Variants in EDA observed in about 807,000 individuals in gnomAD.
The protein encoded by EDA is ectodysplasin-A.
Under a neutral mutation model 23.6 loss-of-function variants are expected in EDA, and 2 were observed. The observed-to-expected ratio is 0.08, with a 90% CI of 0.03 to 0.27. The LOEUF is 0.27. Ranked by LOEUF, EDA falls within the 10% of genes least tolerant of loss-of-function variation. The pLI, the probability that EDA is intolerant of heterozygous loss-of-function variation, is 1.00. For missense variants in EDA, 229 were observed against 324.2 expected (o/e 0.71, Z 2.26); for synonymous variants, 131 against 132.0 (o/e 0.99, Z 0.05).
intron 1 of EDA, among the ~76,000 whole-genome samples, chrX:69,837,356 A>G (rs754674201): frequency 1.3e-4 from 15 of 111,802 alleles, no homozygotes; most frequent in African/African-American, 4.5e-4. Context: ...TCTGGCTTTT[A>G]TTTTGGATTC....
At chrX:69,835,077 A>C (rs1175874853) in intron 1 of EDA, among the ~76,000 whole-genome samples, 1 of 112,694 alleles carries the variant, frequency 8.9e-6, no homozygotes, top group African/African-American at 3.2e-5. Flanking sequence ...TTCTGCCGAG[A>C]GATCAGCTGT....
At chrX:69,891,225 C>G (rs2017925078) in intron 1 of EDA, among the ~76,000 whole-genome samples, 1 of 111,425 alleles carries the variant, frequency 9.0e-6, no homozygotes, top group Non-Finnish European at 1.9e-5. Context: ...ATTAAAACGT[C>G]AAAAATAACA....
At chrX:69,882,010 T>C (rs937272266) in intron 1 of EDA, among the ~76,000 whole-genome samples, 1 of 111,768 alleles carries the variant, frequency 8.9e-6, no homozygotes, top group Non-Finnish European at 1.9e-5. Flanking sequence ...ACCTCCAACA[T>C]TGGGGATCAC....
At chrX:69,863,728 C>A (rs2017438576) in intron 1 of EDA, among the ~76,000 whole-genome samples, 1 of 106,647 alleles carries the variant, frequency 9.4e-6, no homozygotes, top group African/African-American at 3.4e-5. Flanking sequence ...TATATACATA[C>A]ATATGTGTAT....
chrX:69,800,264 G>T (rs1009548100), intron 1 of EDA, among the ~76,000 whole-genome samples: 2 of 111,305 alleles, frequency 1.8e-5, no homozygotes, highest in Non-Finnish European at 3.8e-5. Flanking sequence ...ATGAGAGATT[G>T]GTTAATGAGA....
At chrX:69,902,218 A>T (rs745882740) in intron 1 of EDA, among the ~76,000 whole-genome samples, 2 of 111,664 alleles carry the variant, frequency 1.8e-5, no homozygotes, top group Non-Finnish European at 3.8e-5. Context: ...TCCCCATTTC[A>T]TGAGTGACAT....
At chrX:69,641,494 T>C (rs1158890093) in intron 1 of EDA, among the ~76,000 whole-genome samples, 1 of 111,700 alleles carries the variant, frequency 9.0e-6, no homozygotes, top group Non-Finnish European at 1.9e-5. Context: ...GGAAAATGGC[T>C]TTAAAGGTTT....
chrX:69,712,255 C>T (rs928306710), intron 1 of EDA, among the ~76,000 whole-genome samples: 3 of 111,087 alleles, frequency 2.7e-5, no homozygotes, highest in Admixed American at 9.6e-5. Flanking sequence ...ATTATGTATC[C>T]AGTAGTCATT....
chrX:69,977,054 G>A, intron 2 of EDA, among the ~76,000 whole-genome samples: 1 of 111,519 alleles, frequency 9.0e-6, no homozygotes, highest in South Asian at 3.8e-4. Context: ...AACATCATAT[G>A]CTTAGGAAAC....
chrX:69,861,024 T>C (rs2017373628), intron 1 of EDA: 12 of 494,102 alleles, frequency 2.4e-5, no homozygotes, highest in Non-Finnish European at 3.3e-5. Flanking sequence ...TTATATCCAC[T>C]GAAACCACTA....
chrX:69,805,114 G>A (rs2015784216), intron 1 of EDA, among the ~76,000 whole-genome samples: 1 of 111,405 alleles, frequency 9.0e-6, no homozygotes, highest in African/African-American at 3.3e-5. Flanking sequence ...GCTTAGAGGT[G>A]AGGCTGAGAT....
chrX:69,740,416 T>C (rs2013417904), intron 1 of EDA, among the ~76,000 whole-genome samples: 1 of 111,561 alleles, frequency 9.0e-6, no homozygotes, highest in Admixed American at 9.5e-5. Flanking sequence ...AAAATATTCT[T>C]GGTTGATGGT....
intron 1 of EDA, among the ~76,000 whole-genome samples, chrX:69,910,374 A>AGAGAGAGAGAGTGT (rs1191245556): frequency 4.8e-5 from 2 of 41,755 alleles, no homozygotes; most frequent in South Asian, 1.5e-3. Context: ...AGAGAGAGAG[A>AGAGAGAGAGAGTGT]GTGTGTGTGT....
intron 1 of EDA, among the ~76,000 whole-genome samples, chrX:69,655,249 G>A (rs772466089): frequency 4.8e-4 from 53 of 111,223 alleles, no homozygotes; most frequent in Middle Eastern, 4.6e-3. Flanking sequence ...TACAAAATTA[G>A]CCTGGCATGT....
At position 69,886,068 on chromosome X, in the gene EDA, G is replaced by A. The variant is rs1003529923; in HGVS notation, c.397-70959G>A. On this transcript the variant is annotated intron_variant, in intron 1 of 7. Transcript: ENST00000374552. ...CCACAGCAGGTGCCTAAATGGCTCT[G>A]AATCCCATCTTCAGCCTCACCCAGC... is the stretch of plus-strand genomic sequence containing the variant. Among the ~76,000 whole-genome samples the A allele has an allele frequency of 4.5e-5, 5 of 112,180 alleles. No homozygotes were observed. The East Asian group carries it at 1.4e-3, about 32-fold the overall frequency.
intron 1 of EDA, among the ~76,000 whole-genome samples, chrX:69,738,243 G>A (rs1003362527): frequency 1.8e-4 from 20 of 108,911 alleles, no homozygotes; most frequent in Non-Finnish European, 3.1e-4. Flanking sequence ...GGCTTCTGTT[G>A]CTTAGTCTTT....
intron 1 of EDA, among the ~76,000 whole-genome samples, chrX:69,825,775 C>G (rs370756001): frequency 9.3e-6 from 1 of 107,778 alleles, no homozygotes; most frequent in Non-Finnish European, 1.9e-5. Flanking sequence ...TTTCTAGTTC[C>G]TTTAATTGTG....
At chrX:69,975,489 G>C (rs1229703312) in intron 2 of EDA, among the ~76,000 whole-genome samples, 3 of 110,460 alleles carry the variant, frequency 2.7e-5, no homozygotes, top group African/African-American at 9.9e-5. Flanking sequence ...GAGGGAGGGA[G>C]AGGGCAAGGG....
At chrX:69,883,416 T>C (rs185376020) in intron 1 of EDA, among the ~76,000 whole-genome samples, 1 of 112,078 alleles carries the variant, frequency 8.9e-6, no homozygotes, top group Admixed American at 9.5e-5. Flanking sequence ...ATTACCACCA[T>C]TGACTCAAGG....
Sources: gnomAD v4.1 joint callset for allele counts (sites outside exome capture counted in the v4.1 genomes callset) on GRCh38, gnomAD v4.1.1 for gene constraint, MANE v1.5 for transcripts, NCBI Gene and HGNC (gene_info 2026-07-23, HGNC 2026-07-21) for gene names.